PRKCA: variants seen among roughly 807,000 people sequenced by gnomAD.
PRKCA encodes protein kinase C alpha.
In PRKCA, 27 loss-of-function variants were observed where a neutral mutation model predicts 87.0. That is an observed-to-expected ratio of 0.31 (90% CI 0.23 to 0.43). The LOEUF (loss-of-function observed/expected upper bound fraction) is 0.43, where lower values mean the gene tolerates loss of function less well. Ranked by LOEUF, PRKCA falls within the 20% of genes least tolerant of loss-of-function variation. The pLI, the probability that PRKCA is intolerant of heterozygous loss-of-function variation, is 1.00. For synonymous variants in PRKCA, 329 were observed against 311.1 expected, an observed-to-expected ratio of 1.06 and a Z score of -0.61; for missense variants, 518 against 852.3, an observed-to-expected ratio of 0.61 and a Z score of 4.88.
At chr17:66,567,101 T>G (rs2143359991) in intron 3 of PRKCA, among the ~76,000 whole-genome samples, 1 of 152,338 alleles carries the variant, frequency 6.6e-6, no homozygotes, top group South Asian at 2.1e-4. Flanking sequence ...AAGGTCGACC[T>G]TTCTGCTACC....
At chr17:66,329,936 C>T (rs1906224285) in intron 2 of PRKCA, among the ~76,000 whole-genome samples, 1 of 152,072 alleles carries the variant, frequency 6.6e-6, no homozygotes, top group Admixed American at 6.6e-5. Flanking sequence ...TGTTCTCTCT[C>T]TTTAGAAAGA....
At chr17:66,546,996 G>A (rs373431184) in intron 3 of PRKCA, among the ~76,000 whole-genome samples, 1 of 152,040 alleles carries the variant, frequency 6.6e-6, no homozygotes, top group Non-Finnish European at 1.5e-5. Context: ...TCCCATATCT[G>A]TCCCCTCCTC....
intron 2 of PRKCA, among the ~76,000 whole-genome samples, chr17:66,350,734 A>G (rs1907690791): frequency 6.6e-6 from 1 of 152,046 alleles, no homozygotes; most frequent in Non-Finnish European, 1.5e-5. Flanking sequence ...TGTGTTGCCC[A>G]GGCTGGCCTT....
chr17:66,412,009 T>C (rs1911838752), intron 2 of PRKCA, among the ~76,000 whole-genome samples: 1 of 151,988 alleles, frequency 6.6e-6, no homozygotes, highest in African/African-American at 2.4e-5. Context: ...ATCTTTTTTT[T>C]TTTTTTTTGA....
chr17:66,349,060 C>T (rs998687001), intron 2 of PRKCA, among the ~76,000 whole-genome samples: 4 of 152,142 alleles, frequency 2.6e-5, no homozygotes, highest in Admixed American at 6.5e-5. Context: ...TCAAAATGCA[C>T]CAGAACCTGA....
intron 5 of PRKCA, among the ~76,000 whole-genome samples, chr17:66,665,705 C>T (rs111795493): frequency 0.053 from 8,128 of 152,214 alleles, 291 homozygotes; most frequent in Admixed American, 0.078. Flanking sequence ...AGTGAGTTCT[C>T]CAAGGTGGTT....
chr17:66,660,266 G>A lies in PRKCA; in HGVS notation c.529+14755G>A, dbSNP rs548596356. On this transcript the variant is annotated intron_variant, in intron 5 of 16. Transcript: ENST00000413366. ...TGTGCCAGTGGGTCCGTTTGGTGGG[G>A]GTCCAGTTTTCTGAAACAACTCAAG... is the stretch of plus-strand genomic sequence containing the variant. 2.0e-3 allele frequency among the ~76,000 whole-genome samples: 298 copies of A among 152,176 alleles called. 2 individuals are homozygous for A. Among genetic ancestry groups the A allele is most frequent in the African/African-American group, 6.7e-3 (280 of 41,508 alleles).
At chr17:66,657,280 G>A (rs953042662) in intron 5 of PRKCA, among the ~76,000 whole-genome samples, 1 of 152,178 alleles carries the variant, frequency 6.6e-6, no homozygotes, top group Admixed American at 6.5e-5. Flanking sequence ...AAGATAGTCA[G>A]GGTCCCTTTT....
intron 2 of PRKCA, among the ~76,000 whole-genome samples, chr17:66,472,220 C>T (rs183743917): frequency 5.9e-5 from 9 of 152,234 alleles, no homozygotes; most frequent in African/African-American, 1.4e-4. Context: ...GGATTACAGG[C>T]GTGGACCATC....
intron 2 of PRKCA, among the ~76,000 whole-genome samples, chr17:66,444,697 T>C (rs1471600356): frequency 6.6e-6 from 1 of 152,200 alleles, no homozygotes; most frequent in Non-Finnish European, 1.5e-5. Flanking sequence ...GCAATGAATT[T>C]CGGGGAGAAT....
chr17:66,667,773 A>G (rs549588475), intron 5 of PRKCA, among the ~76,000 whole-genome samples: 1 of 152,354 alleles, frequency 6.6e-6, no homozygotes, highest in South Asian at 2.1e-4. Flanking sequence ...AGAGTAATTT[A>G]TTCCTCTTCC....
chr17:66,623,198 G>A (rs985399546), intron 3 of PRKCA, among the ~76,000 whole-genome samples: 18 of 152,294 alleles, frequency 1.2e-4, no homozygotes, highest in African/African-American at 3.8e-4. Flanking sequence ...CAGATGAAAG[G>A]TCTAGAATTT....
At chr17:66,587,865 A>AGGTGTG (rs1555623421) in intron 3 of PRKCA, among the ~76,000 whole-genome samples, 2 of 56,516 alleles carry the variant, frequency 3.5e-5, no homozygotes, top group African/African-American at 1.2e-4. Context: ...ATATATACAT[A>AGGTGTG]TGTATGTGTG....
intron 2 of PRKCA, among the ~76,000 whole-genome samples, chr17:66,337,597 G>T (rs915892808): frequency 4.6e-5 from 7 of 151,842 alleles, no homozygotes; most frequent in African/African-American, 1.7e-4. Flanking sequence ...CGTTTCCCAG[G>T]CTTGTCTCAA....
intron 3 of PRKCA, among the ~76,000 whole-genome samples, chr17:66,573,103 A>G (rs1969126555): frequency 6.6e-6 from 1 of 152,178 alleles, no homozygotes; most frequent in Non-Finnish European, 1.5e-5. Context: ...TTATATAGAA[A>G]TGCTTGGTTT....
chr17:66,479,206 A>G (rs1278457787), intron 2 of PRKCA, among the ~76,000 whole-genome samples: 2 of 152,248 alleles, frequency 1.3e-5, no homozygotes, highest in Non-Finnish European at 2.9e-5. Context: ...GGGCAAAGAC[A>G]TGAAAAGACA....
At chr17:66,751,498 G>T (rs775764711) in intron 13 of PRKCA, among the ~76,000 whole-genome samples, 12 of 152,206 alleles carry the variant, frequency 7.9e-5, no homozygotes, top group Admixed American at 2.0e-4. Flanking sequence ...GAGACTTCTT[G>T]GTTCTGGAAA....
chr17:66,320,391 A>T (rs553267791), intron 2 of PRKCA, among the ~76,000 whole-genome samples: 124 of 140,058 alleles, frequency 8.9e-4, no homozygotes, highest in African/African-American at 2.8e-3. Flanking sequence ...TTTTTTTTAA[A>T]AAAAGAAAGC....
In PRKCA at chr17:66,713,144, C is replaced by T. The variant is rs1276355976; in HGVS notation, c.919-19544C>T. ...TTGGCTCATTGCAACCTCCACCTCCCGGGTTCAAGCAATTCTCCTGCCTCA... is the reference window on the plus strand; with the variant it reads ...TTGGCTCATTGCAACCTCCACCTCCTGGGTTCAAGCAATTCTCCTGCCTCA... On this transcript the variant is annotated intron_variant, in intron 8 of 16. Transcript: ENST00000413366. 6.6e-5 allele frequency among the ~76,000 whole-genome samples: 10 copies of T among 150,518 alleles called. No individual in the cohort carries two copies. The South Asian group carries it at 1.9e-3, about 29-fold the overall frequency.
Sources: allele counts gnomAD v4.1 joint callset (sites outside exome capture counted in the v4.1 genomes callset), GRCh38; gene constraint gnomAD v4.1.1; transcripts MANE v1.5; gene names NCBI Gene and HGNC (gene_info 2026-07-23, HGNC 2026-07-21).